The following AGBL4 variants were observed in gnomAD, a reference collection of about 807,000 sequenced individuals.
The protein encoded by AGBL4 is AGBL carboxypeptidase 4, also known as cytosolic carboxypeptidase 6.
In AGBL4, 58 loss-of-function variants were observed where a neutral mutation model predicts 66.4. The observed-to-expected ratio is 0.87, with a 90% CI of 0.71 to 1.09. AGBL4 has a LOEUF of 1.09. Ranked by LOEUF, AGBL4 falls within the 50% of genes least tolerant of loss-of-function variation. The pLI is 0.00. For missense variants in AGBL4, 579 were observed against 631.0 expected (o/e 0.92, Z 0.88); for synonymous variants, 234 against 222.9 (o/e 1.05, Z -0.44).
chr1:49,079,857 C>A (rs1249452006), intron 4 of AGBL4, among the ~76,000 whole-genome samples: 1 of 152,156 alleles, frequency 6.6e-6, no homozygotes, highest in Non-Finnish European at 1.5e-5. Context: ...TTCTTCAGTA[C>A]CTGAAAAGTC....
At chr1:49,483,292 T>A (rs1646994518) in intron 3 of AGBL4, among the ~76,000 whole-genome samples, 1 of 151,866 alleles carries the variant, frequency 6.6e-6, no homozygotes, top group Non-Finnish European at 1.5e-5. Flanking sequence ...ATCTTGGCAA[T>A]AAAAACTATA....
At chr1:50,000,944 A>C (rs1660703570) in intron 1 of AGBL4, among the ~76,000 whole-genome samples, 1 of 152,124 alleles carries the variant, frequency 6.6e-6, no homozygotes. Context: ...AAAAAACTAC[A>C]CATTGGGTAC....
Position 48,900,333 on chromosome 1 carries a change from TG to T in AGBL4, c.595-33104del, listed in dbSNP as rs1570956456. ...AAAAGAGGATGGGCATGATCAGATT[TG>T]TATTGCAAAAAATCCACTAAATCCT... is the stretch of plus-strand genomic sequence containing the variant. On this transcript the variant is annotated intron_variant, in intron 5 of 13. Transcript: ENST00000371839. Among the ~76,000 whole-genome samples the T allele has an allele frequency of 2.0e-5, 3 of 152,378 alleles. No homozygotes were observed. The East Asian group carries it at 5.8e-4, about 29-fold the overall frequency.
rs146364233 is a variant in AGBL4 at position 48,557,773 on chromosome 1, C to T, written c.1268-18035G>A. ...TGAACCATAAGCTCTCAGAACAATG[C>T]CCCACCTAGGCAGAGCAGAGAACCC... is the stretch of plus-strand genomic sequence containing the variant. On this transcript the variant is annotated intron_variant, in intron 11 of 13. Coordinates refer to ENST00000371839, the MANE Select transcript of AGBL4 (RefSeq NM_032785.4). Among the ~76,000 whole-genome samples, 4 of 152,266 alleles carry T rather than the reference C, an allele frequency of 2.6e-5. No homozygotes were observed. In the East Asian group the frequency reaches 7.7e-4, roughly 29 times the overall value.
chr1:48,878,537 A>G (rs1194484626), intron 5 of AGBL4, among the ~76,000 whole-genome samples: 1 of 152,166 alleles, frequency 6.6e-6, no homozygotes, highest in Non-Finnish European at 1.5e-5. Flanking sequence ...TTGTTTGGAA[A>G]GTCTTCCCTC....
intron 4 of AGBL4, among the ~76,000 whole-genome samples, chr1:49,118,728 G>A (rs1645586125): frequency 6.6e-6 from 1 of 152,164 alleles, no homozygotes; most frequent in South Asian, 2.1e-4. Flanking sequence ...AGTTAGGGAG[G>A]ATTCCCTCTT....
At chr1:49,522,154 G>A (rs1414250733) in intron 3 of AGBL4, among the ~76,000 whole-genome samples, 1 of 152,046 alleles carries the variant, frequency 6.6e-6, no homozygotes, top group Non-Finnish European at 1.5e-5. Flanking sequence ...TGCTATGATT[G>A]CATTTATCAT....
rs1644331727 is a variant in AGBL4 at position 48,557,079 on chromosome 1, T to G, written c.1268-17341A>C. Among the ~76,000 whole-genome samples, 5 of 152,186 alleles carry G rather than the reference T, an allele frequency of 3.3e-5. No individual in the cohort carries two copies. In the South Asian group the frequency reaches 1.0e-3, roughly 32 times the overall value. On this transcript the variant is annotated intron_variant, in intron 11 of 13. Transcript: ENST00000371839. ...TGCTGGGATTACAGGTGTTAGCCAC[T>G]GTGCCTGGCCAAATATCTGTTTTTT...
chr1:49,954,294 A>C (rs556901546), intron 1 of AGBL4, among the ~76,000 whole-genome samples: 133 of 152,136 alleles, frequency 8.7e-4, no homozygotes, highest in African/African-American at 3.1e-3. Flanking sequence ...CATGTGTTAG[A>C]AACTTAATTG....
intron 11 of AGBL4, among the ~76,000 whole-genome samples, chr1:48,543,656 C>A (rs1644113042): frequency 6.6e-6 from 1 of 152,190 alleles, no homozygotes; most frequent in South Asian, 2.1e-4. Context: ...GGCCATTACT[C>A]CATCCAGGAC....
At position 49,466,493 on chromosome 1, in the gene AGBL4, C is replaced by T. The variant is rs561984572; in HGVS notation, c.283-220629G>A. Among the ~76,000 whole-genome samples the T allele has an allele frequency of 2.9e-4, 44 of 151,848 alleles. No homozygotes were observed. In the South Asian group the frequency reaches 8.7e-3, roughly 30 times the overall value. ...TGAATGGGCCTTGCTCTAAAAAGGC[C>T]CTTCCATCTGGTGCAGTGCCGAAAC... On this transcript the variant is annotated intron_variant, in intron 3 of 13. Coordinates refer to ENST00000371839, the MANE Select transcript of AGBL4 (RefSeq NM_032785.4).
chr1:49,674,523 TTATA>T (rs913863013), intron 3 of AGBL4, among the ~76,000 whole-genome samples: 11 of 144,910 alleles, frequency 7.6e-5, no homozygotes, highest in Non-Finnish European at 1.2e-4. Flanking sequence ...ATATATAAAT[TTATA>T]TATTTTTATT....
At chr1:49,787,266 G>A (rs1644477106) in intron 2 of AGBL4, among the ~76,000 whole-genome samples, 1 of 152,186 alleles carries the variant, frequency 6.6e-6, no homozygotes, top group Admixed American at 6.5e-5. Flanking sequence ...ACTTTGGGAG[G>A]CGGAGGCAGG....
intron 6 of AGBL4, among the ~76,000 whole-genome samples, chr1:48,852,811 A>G (rs1647063055): frequency 1.3e-5 from 2 of 152,214 alleles, no homozygotes; most frequent in Admixed American, 6.5e-5. Flanking sequence ...TCAAAAAGCC[A>G]TATCTTGGGA....
At chr1:49,365,755 T>G (rs1207496678) in intron 3 of AGBL4, among the ~76,000 whole-genome samples, 1 of 152,060 alleles carries the variant, frequency 6.6e-6, no homozygotes, top group Non-Finnish European at 1.5e-5. Context: ...CTGCTTGTCT[T>G]TGTTTTCCGT....
chr1:49,654,824 C>T (rs566232930), intron 3 of AGBL4, among the ~76,000 whole-genome samples: 59 of 152,194 alleles, frequency 3.9e-4, no homozygotes, highest in South Asian at 1.2e-3. Context: ...TGTCTCCGCA[C>T]GTGAGATCGG....
chr1:49,175,127 G>A (rs1273119067), intron 4 of AGBL4: 1 of 152,022 alleles, frequency 6.6e-6, no homozygotes, highest in East Asian at 1.9e-4. Flanking sequence ...GGTTTAATGA[G>A]AGTTGAGATT....
chr1:49,867,407 G>GTA (rs1646729538), intron 1 of AGBL4, among the ~76,000 whole-genome samples: 1 of 151,166 alleles, frequency 6.6e-6, no homozygotes, highest in Non-Finnish European at 1.5e-5. Context: ...TGTTACATAT[G>GTA]TATACATGTG....
chr1:48,630,815 G>A (rs1167292383), intron 9 of AGBL4, among the ~76,000 whole-genome samples: 2 of 152,160 alleles, frequency 1.3e-5, no homozygotes, highest in Non-Finnish European at 2.9e-5. Context: ...CAGCCACACT[G>A]AATGACTTCC....
Sources: allele counts gnomAD v4.1 joint callset (sites outside exome capture counted in the v4.1 genomes callset), GRCh38; gene constraint gnomAD v4.1.1; transcripts MANE v1.5; gene names NCBI Gene and HGNC (gene_info 2026-07-23, HGNC 2026-07-21).